Variants in C11orf65 observed in about 807,000 individuals in gnomAD.
C11orf65 encodes chromosome 11 open reading frame 65, also known as protein MFI.
In C11orf65, 38 loss-of-function variants were observed where a neutral mutation model predicts 35.3. The observed-to-expected ratio is 1.08, with a 90% CI of 0.83 to 1.41. The LOEUF (loss-of-function observed/expected upper bound fraction) is 1.41. C11orf65 is among the 40% of genes most tolerant of loss of function. The pLI, the probability that C11orf65 is intolerant of heterozygous loss-of-function variation, is 0.00. For synonymous variants in C11orf65, 105 were observed against 114.4 expected (o/e 0.92, Z 0.53); for missense variants, 370 against 367.1 (o/e 1.01, Z -0.06).
At position 108,333,839 on chromosome 11, in the gene C11orf65, T is replaced by C. The variant is rs563359736; in HGVS notation, c.299+1381A>G. On this transcript the variant is annotated intron_variant, in intron 3 of 3. Coordinates refer to the C11orf65 transcript ENST00000524755. ...CTGACTATTCCTGCTTGACCTTCAATGCTGTTCCTCAGTTTGTCACTAAAA... is the reference window on the plus strand; with the variant it reads ...CTGACTATTCCTGCTTGACCTTCAACGCTGTTCCTCAGTTTGTCACTAAAA... The C allele has an allele frequency of 1.0e-4, 144 of 1,433,794 alleles. No homozygotes were observed. In the South Asian group the frequency reaches 1.5e-3, roughly 15 times the overall value. 88.8% of individuals were successfully genotyped at this position (1,433,794 alleles called of 1,614,324 possible).
chr11:108,449,386 T>C (rs1388841723), intron 2 of C11orf65, among the ~76,000 whole-genome samples: 3 of 151,878 alleles, frequency 2.0e-5, no homozygotes, highest in Non-Finnish European at 4.4e-5. Flanking sequence ...CTTCAAACTA[T>C]ACTACAAGGC....
chr11:108,393,188 G>T lies in C11orf65; in HGVS notation c.731+20C>A. ...TATGATGACTGCCCTTGTTCCCCAAGAATAGCAACATGTACTTACTCATCA... is the reference window on the plus strand; with the variant it reads ...TATGATGACTGCCCTTGTTCCCCAATAATAGCAACATGTACTTACTCATCA... On this transcript the variant is annotated intron_variant, in intron 7 of 8. Transcript: ENST00000393084. 1 of 1,601,474 alleles carries T rather than the reference G, an allele frequency of 6.2e-7. No homozygotes were observed.
chr11:108,316,544 A>G (rs564519081), intron 6 of C11orf65, among the ~76,000 whole-genome samples: 1 of 152,182 alleles, frequency 6.6e-6, no homozygotes, highest in East Asian at 1.9e-4. Flanking sequence ...CCATTCTTCC[A>G]TGAAATATTA....
chr11:108,443,445 G>A (rs536858726), intron 2 of C11orf65, among the ~76,000 whole-genome samples: 119 of 152,230 alleles, frequency 7.8e-4, no homozygotes, highest in Non-Finnish European at 1.2e-3. Flanking sequence ...GGATATCCAG[G>A]AATTGAACTC....
At chr11:108,454,713 G>A (rs1414254050) in intron 2 of C11orf65, among the ~76,000 whole-genome samples, 1 of 152,124 alleles carries the variant, frequency 6.6e-6, no homozygotes, top group African/African-American at 2.4e-5. Flanking sequence ...TTCTGCCTCA[G>A]TCTCCCAGGT....
At position 108,365,438 on chromosome 11, in the gene C11orf65, T is replaced by G. The variant is rs1555151992; in HGVS notation, c.226+27770A>C. 2 of 1,614,212 alleles carry G rather than the reference T, an allele frequency of 1.2e-6. No homozygotes were observed. Among genetic ancestry groups the G allele is most frequent in the Non-Finnish European group, 1.7e-6 (2 of 1,180,038 alleles). On this transcript the variant is annotated intron_variant, in intron 2 of 3. Coordinates refer to the C11orf65 transcript ENST00000524755. ...CTCAGTGTTGGTGGACAAGTGAATT[T>G]GCTCATACAGCAGGCCATAGACCCC...
At chr11:108,464,084 G>A (rs1057159783) in intron 1 of C11orf65, among the ~76,000 whole-genome samples, 5 of 151,526 alleles carry the variant, frequency 3.3e-5, no homozygotes, top group Non-Finnish European at 2.9e-5. Flanking sequence ...GTGCCACCAC[G>A]CCTGGCTAAT....
rs2092443004 is a variant in C11orf65 at position 108,401,724 on chromosome 11, G to C, written c.560+3705C>G. 1.3e-5 allele frequency among the ~76,000 whole-genome samples: 2 copies of C among 152,150 alleles called. 1 individual carries two copies. Among genetic ancestry groups the C allele is most frequent in the South Asian group, 4.1e-4 (2 of 4,824 alleles). Reference sequence around the variant, plus strand: ...TTTGGATGTTAATCCGACTGGGCCAGTACACCTAAAATAACAAATATCCTC... The same window carrying C: ...TTTGGATGTTAATCCGACTGGGCCACTACACCTAAAATAACAAATATCCTC... On this transcript the variant is annotated intron_variant, in intron 6 of 8. Coordinates refer to ENST00000393084, the MANE Select transcript of C11orf65 (RefSeq NM_152587.5).
At chr11:108,356,888 G>A (rs1180717637) in intron 2 of C11orf65, among the ~76,000 whole-genome samples, 2 of 152,176 alleles carry the variant, frequency 1.3e-5, no homozygotes, top group Non-Finnish European at 2.9e-5. Context: ...AAAGTGATTT[G>A]CATCTCCACC....
intron 3 of C11orf65, among the ~76,000 whole-genome samples, chr11:108,417,487 G>A (rs779448450): frequency 4.6e-5 from 7 of 151,676 alleles, no homozygotes; most frequent in Admixed American, 1.3e-4. Context: ...AGGTTGCAGT[G>A]AGCTGAGATA....
intron 2 of C11orf65, among the ~76,000 whole-genome samples, chr11:108,440,658 G>T (rs1176526357): frequency 6.6e-6 from 1 of 152,130 alleles, no homozygotes; most frequent in Admixed American, 6.6e-5. Flanking sequence ...CAGTTTCAGG[G>T]CAGTTATCCT....
In C11orf65 at chr11:108,424,839, C is replaced by T. The variant is rs78384285; in HGVS notation, c.174+6907G>A. On this transcript the variant is annotated intron_variant, in intron 3 of 8. Transcript: ENST00000393084. ...CCACAGTGCAATCAAATTAGAACTC[C>T]GGATTTTAAAACTCACTCAAAACTG... Among the ~76,000 whole-genome samples the T allele has an allele frequency of 9.1e-3, 1,381 of 152,234 alleles. 19 individuals carry two copies. The highest frequency in any genetic ancestry group is 0.031 in the African/African-American group (1,291 of 41,558).
At chr11:108,368,026 TTGCATCCAGA>T (rs1053060201) in intron 2 of C11orf65, 9 of 207,250 alleles carry the variant, frequency 4.3e-5, no homozygotes, top group African/African-American at 1.4e-4. Flanking sequence ...TTGCTAGTTG[TTGCATCCAGA>T]GAGCTTTGAA....
intron 2 of C11orf65, chr11:108,335,816 T>G (rs2086775041): frequency 6.5e-7 from 1 of 1,545,010 alleles, no homozygotes; most frequent in African/African-American, 1.4e-5. Context: ...TAAACTGTAC[T>G]TGTTTATTCA....
At position 108,389,579 on chromosome 11, in the gene C11orf65, C is replaced by G. The variant is rs974769450; in HGVS notation, c.732-3604G>C. Among the ~76,000 whole-genome samples, 15 of 152,232 alleles carry G rather than the reference C, an allele frequency of 9.9e-5. No homozygotes were observed. The East Asian group carries it at 2.3e-3, about 23-fold the overall frequency. ...TTTGCATTTTTTTAATGGAAATTTT[C>G]AGTTGCTCTTATCATCTGAAAGCTA... On this transcript the variant is annotated intron_variant, in intron 7 of 8. Coordinates refer to ENST00000393084, the MANE Select transcript of C11orf65 (RefSeq NM_152587.5).
chr11:108,393,282 A>T lies in C11orf65; in HGVS notation c.657T>A (p.Asp219Glu). The change falls in exon 7 of 9, where the codon GAT becomes GAA. Residue 219 changes from aspartate to glutamate, a missense_variant. Coordinates refer to ENST00000393084, the MANE Select transcript of C11orf65 (RefSeq NM_152587.5). ...ATTCCATCACAGAATCTATCCCCCCATCTTCAAAAGCTCTAATCAGCCCCT... is the reference window on the plus strand; with the variant it reads ...ATTCCATCACAGAATCTATCCCCCCTTCTTCAAAAGCTCTAATCAGCCCCT... ...ATKGLIRAFE[D>E]GGIDSVMEWE... 1 of 1,614,034 alleles carries T rather than the reference A, an allele frequency of 6.2e-7. No homozygotes were observed. Among genetic ancestry groups the T allele is most frequent in the Non-Finnish European group, 8.5e-7 (1 of 1,179,974 alleles).
chr11:108,370,380 T>A (rs915077577), intron 2 of C11orf65, among the ~76,000 whole-genome samples: 1 of 152,058 alleles, frequency 6.6e-6, no homozygotes, highest in African/African-American at 2.4e-5. Context: ...TGAGTAATGT[T>A]TGGATTTTCT....
chr11:108,433,405 T>C (rs1386647270), intron 2 of C11orf65, among the ~76,000 whole-genome samples: 1 of 151,572 alleles, frequency 6.6e-6, no homozygotes, highest in Non-Finnish European at 1.5e-5. Flanking sequence ...AGTGAAACCC[T>C]GTCTCTACTA....
At chr11:108,430,783 T>C (rs1229153191) in intron 3 of C11orf65, among the ~76,000 whole-genome samples, 1 of 151,948 alleles carries the variant, frequency 6.6e-6, no homozygotes, top group African/African-American at 2.4e-5. Context: ...AGGTTAACGC[T>C]GCAGTGAGCC....
Sources: gnomAD v4.1 joint callset for allele counts (sites outside exome capture counted in the v4.1 genomes callset) on GRCh38, gnomAD v4.1.1 for gene constraint, MANE v1.5 for transcripts, NCBI Gene and HGNC (gene_info 2026-07-23, HGNC 2026-07-21) for gene names.